The following KIF14 variants were observed in gnomAD, a reference collection of about 807,000 sequenced individuals.
The protein encoded by KIF14 is kinesin-like protein KIF14.
KIF14 carries 98 observed loss-of-function variants against 176.2 expected under a neutral mutation model. That is an observed-to-expected ratio of 0.56 (90% CI 0.47 to 0.66). The LOEUF (loss-of-function observed/expected upper bound fraction) is 0.66, where lower values mean the gene tolerates loss of function less well. Among genes scored for constraint, KIF14 ranks in the 30% least tolerant of loss-of-function variants. The pLI is 0.00. For missense variants in KIF14, 1,751 were observed against 1,920.4 expected (o/e 0.91, Z 1.65); for synonymous variants, 566 against 632.2 (o/e 0.90, Z 1.57).
rs1390185657 is a variant in KIF14 at position 200,559,657 on chromosome 1, A to AT, written c.4231-206dup. Among the ~76,000 whole-genome samples, 3 of 152,336 alleles carry AT rather than the reference A, an allele frequency of 2.0e-5. No individual in the cohort carries two copies. In the East Asian group the frequency reaches 5.8e-4, roughly 29 times the overall value. The stretch of plus-strand genomic sequence containing the variant: ...AGTCTGTGGTCTGTAAAGAAATAAA[A>AT]TTAGCAAATCTGTAATTTAGTATCC... On this transcript the variant is annotated intron_variant, in intron 26 of 29. Transcript: ENST00000367350.
Position 200,565,168 on chromosome 1 carries a change from C to G in KIF14, c.3972G>C (p.Trp1324Cys). ...TGGTACAAGGCAGTAAATCACTCAG[C>G]CAGTGTTTCATTAGCACTACTAGCT... is the stretch of plus-strand genomic sequence containing the variant. ...FEQLVVLMKHWLSDLLPCTNI... is the reference protein window; with the variant it reads ...FEQLVVLMKHCLSDLLPCTNI... The change falls in exon 25 of 30, where the codon TGG (tryptophan) becomes TGC (cysteine). Residue 1324 changes from tryptophan to cysteine, a missense_variant. Coordinates refer to ENST00000367350, the MANE Select transcript of KIF14 (RefSeq NM_014875.3). 6.2e-7 allele frequency: 1 copy of G among 1,613,906 alleles called. No individual in the cohort carries two copies. The highest frequency in any genetic ancestry group is 8.5e-7 in the Non-Finnish European group (1 of 1,179,828).
chr1:200,600,296 T>G, intron 12 of KIF14, 60 bp downstream of exon 12: 1 of 1,540,224 alleles, frequency 6.5e-7, no homozygotes, highest in Non-Finnish European at 9.0e-7. Flanking sequence ...TTGAGGTCCC[T>G]GCCATTCCTA....
intron 19 of KIF14, 59 bp from the exon 20 acceptor site, chr1:200,581,353 T>C (rs1658442986): frequency 2.3e-6 from 2 of 860,508 alleles, no homozygotes; most frequent in South Asian, 3.8e-5. Context: ...ACATATACCA[T>C]TAGGCAAAAC....
rs771598026 is a variant in KIF14, at chr1:200,618,213, T to C, written c.511A>G (p.Lys171Glu). 1.9e-6 allele frequency: 3 copies of C among 1,614,036 alleles called. No individual in the cohort carries two copies. Among genetic ancestry groups the C allele is most frequent in the Admixed American group, 3.3e-5 (2 of 60,018 alleles). Residue 171 changes from lysine (K) to glutamate (E), a missense_variant, in exon 2 of 30, where the codon AAA becomes GAA. Coordinates refer to ENST00000367350, the MANE Select transcript of KIF14 (RefSeq NM_014875.3). ...ACAGAAGAGGCAACAAAAGAGTTTT[T>C]AGCATTATTTACAATCCTTACATTT... ...RTNVRIVNNA[K>E]NSFVASSVPL...
In KIF14 at chr1:200,595,638, G is replaced by T. The variant is rs79319781; in HGVS notation, c.2550-1869C>A. On this transcript the variant is annotated intron_variant, in intron 14 of 29. Transcript: ENST00000367350. ...AGCAAAAGAACCTAAAGAACAAAAG[G>T]ATATGCCCTAACAGATATAAAGATT... is the stretch of plus-strand genomic sequence containing the variant. Among the ~76,000 whole-genome samples, 662 of 152,206 alleles carry T rather than the reference G, an allele frequency of 4.3e-3. 12 individuals are homozygous for T. The highest frequency in any genetic ancestry group is 0.031 in the Admixed American group (481 of 15,276).
At chr1:200,593,927 G>GTTTTTTTTTTTT (rs57476742) in intron 14 of KIF14, among the ~76,000 whole-genome samples, 158 bp from the exon 15 acceptor site, 6 of 100,550 alleles carry the variant, frequency 6.0e-5, no homozygotes, top group Non-Finnish European at 9.1e-5. Flanking sequence ...CCTCCAACTA[G>GTTTTTTTTTTTT]TTTTTTTTTT....
At chr1:200,614,045 T>C (rs1278748980) in intron 4 of KIF14, among the ~76,000 whole-genome samples, 3 of 152,228 alleles carry the variant, frequency 2.0e-5, no homozygotes, top group East Asian at 1.9e-4. Flanking sequence ...ATAGCTACCA[T>C]GTTTGTGAGC....
At chr1:200,556,014 T>C (rs1484073857) in intron 27 of KIF14, among the ~76,000 whole-genome samples, 2 of 152,240 alleles carry the variant, frequency 1.3e-5, no homozygotes, top group Admixed American at 6.5e-5. Context: ...AATACTATAC[T>C]CTAAAAACTT....
At chr1:200,594,812 TA>T (rs1344855122) in intron 14 of KIF14, among the ~76,000 whole-genome samples, 1 of 152,228 alleles carries the variant, frequency 6.6e-6, no homozygotes, top group Non-Finnish European at 1.5e-5. Context: ...ATAGTTTAAT[TA>T]AAGCATCTAG....
intron 19 of KIF14, among the ~76,000 whole-genome samples, chr1:200,584,696 T>G (rs938742887): frequency 3.9e-5 from 6 of 152,164 alleles, no homozygotes; most frequent in African/African-American, 7.2e-5. Context: ...TATAGAAGAA[T>G]GTACCTCAAC....
rs150382597 is a variant in KIF14, at chr1:200,596,160, A to G, written c.2549+2077T>C. 8.0e-3 allele frequency among the ~76,000 whole-genome samples: 1,216 copies of G among 152,254 alleles called. 11 individuals carry two copies. The highest frequency in any genetic ancestry group is 0.026 in the African/African-American group (1,090 of 41,524). On this transcript the variant is annotated intron_variant, in intron 14 of 29. Coordinates refer to ENST00000367350, the MANE Select transcript of KIF14 (RefSeq NM_014875.3). Reference sequence around the variant, plus strand: ...TCCCAGCTACTCAGGAGGCTGAAGCAGGAGAATTGCTCGACTCCAGGAGGT... The same window carrying G: ...TCCCAGCTACTCAGGAGGCTGAAGCGGGAGAATTGCTCGACTCCAGGAGGT...
intron 26 of KIF14, among the ~76,000 whole-genome samples, chr1:200,560,301 T>C (rs1015363025): frequency 5.3e-5 from 8 of 152,026 alleles, no homozygotes; most frequent in Non-Finnish European, 1.2e-4. Flanking sequence ...AGATGGAGCC[T>C]TACTCTGTCA....
At chr1:200,580,842 G>A (rs1422057110) in intron 20 of KIF14, among the ~76,000 whole-genome samples, 1 of 152,038 alleles carries the variant, frequency 6.6e-6, no homozygotes, top group Admixed American at 6.5e-5. Flanking sequence ...CGGGCGCAGT[G>A]GCTCACACCT....
At chr1:200,597,072 G>A (rs1482149443) in intron 14 of KIF14, among the ~76,000 whole-genome samples, 1 of 151,014 alleles carries the variant, frequency 6.6e-6, no homozygotes, top group Non-Finnish European at 1.5e-5. Context: ...AAAATTTTTT[G>A]TATTTTTAGT....
intron 26 of KIF14, among the ~76,000 whole-genome samples, chr1:200,559,952 G>T (rs1209805831): frequency 6.6e-6 from 1 of 151,910 alleles, no homozygotes; most frequent in Admixed American, 6.6e-5. Context: ...ACGGGGTTTC[G>T]CCATGTTGGC....
intron 4 of KIF14, among the ~76,000 whole-genome samples, chr1:200,609,706 C>T (rs1439594250): frequency 6.6e-6 from 1 of 152,172 alleles, no homozygotes; most frequent in Non-Finnish European, 1.5e-5. Flanking sequence ...ACATCCAAAA[C>T]AATTGAGAAC....
At chr1:200,565,040 T>C in intron 25 of KIF14, 29 bp downstream of exon 25, 1 of 1,547,302 alleles carries the variant, frequency 6.5e-7, no homozygotes, top group South Asian at 1.1e-5. Flanking sequence ...AAATGAATCC[T>C]TCAAATGATA....
intron 22 of KIF14, among the ~76,000 whole-genome samples, chr1:200,571,280 A>C (rs1453885481): frequency 6.9e-6 from 1 of 144,244 alleles, no homozygotes; most frequent in African/African-American, 2.6e-5. Context: ...ATGCCACTGC[A>C]CTCCAGCCTG....
intron 27 of KIF14, among the ~76,000 whole-genome samples, chr1:200,557,958 T>TTTTG (rs1009628890): frequency 2.0e-5 from 3 of 152,142 alleles, no homozygotes; most frequent in Non-Finnish European, 2.9e-5. Flanking sequence ...CAGGGGTGGT[T>TTTTG]TTTGTTTGTT....
Sources: allele counts gnomAD v4.1 joint callset (sites outside exome capture counted in the v4.1 genomes callset), GRCh38; gene constraint gnomAD v4.1.1; transcripts MANE v1.5; gene names NCBI Gene and HGNC (gene_info 2026-07-23, HGNC 2026-07-21).